Variants in CSGALNACT1 observed in about 807,000 individuals in gnomAD.
The protein encoded by CSGALNACT1 is beta4GalNAcT-1.
Under a neutral mutation model 51.0 loss-of-function variants are expected in CSGALNACT1, and 52 were observed. That is an observed-to-expected ratio of 1.02 (90% confidence interval 0.82 to 1.29). The LOEUF (loss-of-function observed/expected upper bound fraction) is 1.29, where lower values mean the gene tolerates loss of function less well. CSGALNACT1 is among the 50% of genes most tolerant of loss of function. The pLI, the probability that CSGALNACT1 is intolerant of heterozygous loss-of-function variation, is 0.00. For synonymous variants in CSGALNACT1, 341 were observed against 254.4 expected (o/e 1.34, Z -3.24); for missense variants, 935 against 679.2 (o/e 1.38, Z -4.19).
rs567532454 is a variant in CSGALNACT1 at position 19,732,718 on chromosome 8, T to C, written c.-297+25132A>G. 1.1e-3 allele frequency among the ~76,000 whole-genome samples: 165 copies of C among 152,366 alleles called. 2 individuals are homozygous for C. The South Asian group carries it at 0.013, about 12-fold the overall frequency. ...TCAAGTTGCAGAAAAGTTACATATA[T>C]GGATCTTTATAAATTACGTCATTTC... On this transcript the variant is annotated intron_variant, in intron 1 of 1. Coordinates refer to the CSGALNACT1 transcript ENST00000517494.
chr8:19,482,625 G>A (rs921154486), intron 4 of CSGALNACT1, among the ~76,000 whole-genome samples: 3 of 152,090 alleles, frequency 2.0e-5, no homozygotes, highest in African/African-American at 4.8e-5. Context: ...CTCTTTGGCT[G>A]TTCCTTTATA....
chr8:19,699,759 C>T (rs1392280887), intron 1 of CSGALNACT1, among the ~76,000 whole-genome samples: 2 of 152,282 alleles, frequency 1.3e-5, no homozygotes, highest in Non-Finnish European at 1.5e-5. Context: ...CTGAATTGTA[C>T]ACTTAAACAC....
At chr8:19,471,220 T>C (rs1171918763) in intron 4 of CSGALNACT1, among the ~76,000 whole-genome samples, 3 of 152,064 alleles carry the variant, frequency 2.0e-5, no homozygotes, top group Non-Finnish European at 4.4e-5. Context: ...TGCGTATCAC[T>C]CACTAAACGC....
intron 3 of CSGALNACT1, among the ~76,000 whole-genome samples, chr8:19,587,689 G>A (rs1435571207): frequency 6.6e-6 from 1 of 152,116 alleles, no homozygotes; most frequent in Non-Finnish European, 1.5e-5. Flanking sequence ...AACAGCTAGT[G>A]GCAAGGGCAT....
chr8:19,540,827 T>A (rs2084927525), intron 3 of CSGALNACT1, among the ~76,000 whole-genome samples: 1 of 152,100 alleles, frequency 6.6e-6, no homozygotes, highest in African/African-American at 2.4e-5. Context: ...GCTGGAATAA[T>A]CCCCATACAT....
At chr8:19,737,309 A>G (rs1472049013) in intron 1 of CSGALNACT1, among the ~76,000 whole-genome samples, 2 of 150,488 alleles carry the variant, frequency 1.3e-5, no homozygotes, top group Non-Finnish European at 1.5e-5. Flanking sequence ...TGTGACTGGG[A>G]AAAAAAAATA....
chr8:19,626,390 G>GA (rs35917345), intron 1 of CSGALNACT1, among the ~76,000 whole-genome samples: 3 of 148,932 alleles, frequency 2.0e-5, no homozygotes, highest in Non-Finnish European at 3.0e-5. Flanking sequence ...AAAGGGGAAG[G>GA]AAAAAAAAAA....
chr8:19,478,413 CAAAAAAA>C (rs55767885), intron 4 of CSGALNACT1, among the ~76,000 whole-genome samples: 3 of 70,828 alleles, frequency 4.2e-5, no homozygotes, highest in Admixed American at 1.7e-4. Flanking sequence ...GACTCCGTCT[CAAAAAAA>C]AAAAAAAAAA....
rs551684339 is a variant in CSGALNACT1 at position 19,484,880 on chromosome 8, C to T, written c.634+20321G>A. On this transcript the variant is annotated intron_variant, in intron 4 of 9. Transcript: ENST00000454498. ...GGACACACAGGAGAGACACCAGAGA[C>T]GTGCACTCACAAAGGAAGAGTCATT... Among the ~76,000 whole-genome samples the T allele has an allele frequency of 9.9e-5, 15 of 152,210 alleles. No homozygotes were observed. The South Asian group carries it at 2.3e-3, about 23-fold the overall frequency.
intron 1 of CSGALNACT1, among the ~76,000 whole-genome samples, chr8:19,623,212 A>G (rs547789819): frequency 6.6e-6 from 1 of 152,252 alleles, no homozygotes; most frequent in African/African-American, 2.4e-5. Context: ...TCAGATTGAT[A>G]TAGCAATTCT....
At chr8:19,606,785 T>C (rs1328791322), upstream of CSGALNACT1, among the ~76,000 whole-genome samples, 1 of 152,172 alleles carries the variant, frequency 6.6e-6, no homozygotes, top group Non-Finnish European at 1.5e-5. Context: ...CTAAATTACT[T>C]GAAGTCTCTT....
chr8:19,430,283 T>C (rs1004061461), intron 6 of CSGALNACT1, among the ~76,000 whole-genome samples: 2 of 152,230 alleles, frequency 1.3e-5, no homozygotes, highest in African/African-American at 4.8e-5. Flanking sequence ...TCCAAGGTCA[T>C]GAAGACTTAC....
At chr8:19,469,745 C>T (rs1293641501) in intron 4 of CSGALNACT1, among the ~76,000 whole-genome samples, 1 of 152,172 alleles carries the variant, frequency 6.6e-6, no homozygotes, top group Non-Finnish European at 1.5e-5. Context: ...CCCCACCATC[C>T]CACAGACACT....
At chr8:19,650,237 G>C (rs1006272472) in intron 1 of CSGALNACT1, among the ~76,000 whole-genome samples, 1 of 152,172 alleles carries the variant, frequency 6.6e-6, no homozygotes, top group Non-Finnish European at 1.5e-5. Flanking sequence ...TGAGGTTGTA[G>C]AATCAAATTG....
chr8:19,666,971 GAAA>G (rs2059335904), intron 1 of CSGALNACT1, among the ~76,000 whole-genome samples: 6 of 7,680 alleles, frequency 7.8e-4, no homozygotes, highest in South Asian at 6.0e-3. Flanking sequence ...AAGAAAGAAA[GAAA>G]GAAAGAAAGA....
At chr8:19,581,549 G>A (rs755752035) in intron 3 of CSGALNACT1, among the ~76,000 whole-genome samples, 1 of 152,184 alleles carries the variant, frequency 6.6e-6, no homozygotes, top group African/African-American at 2.4e-5. Context: ...GGAGGTTGCA[G>A]TGAGCCGAGA....
At chr8:19,420,246 G>T in intron 7 of CSGALNACT1, 94 bp downstream of exon 6, 1 of 1,124,254 alleles carries the variant, frequency 8.9e-7, no homozygotes, top group Non-Finnish European at 1.4e-6. Flanking sequence ...TGATTCAGAA[G>T]CAGGACATCA....
chr8:19,426,222 T>A (rs961091994), intron 6 of CSGALNACT1, among the ~76,000 whole-genome samples: 2 of 152,174 alleles, frequency 1.3e-5, no homozygotes, highest in Non-Finnish European at 2.9e-5. Context: ...TGCATGGAGA[T>A]GCCTCCCTGC....
At chr8:19,468,557 C>T (rs1586686860) in intron 4 of CSGALNACT1, among the ~76,000 whole-genome samples, 1 of 151,982 alleles carries the variant, frequency 6.6e-6, no homozygotes, top group Non-Finnish European at 1.5e-5. Flanking sequence ...GGAACGAGAT[C>T]AGAGAGCAAC....
Sources: allele counts gnomAD v4.1 joint callset (sites outside exome capture counted in the v4.1 genomes callset), GRCh38; gene constraint gnomAD v4.1.1; transcripts MANE v1.5; gene names NCBI Gene and HGNC (gene_info 2026-07-23, HGNC 2026-07-21).